The following ZNF407 variants were observed in gnomAD, a reference collection of about 807,000 sequenced individuals.
The protein encoded by ZNF407 is zinc finger protein 407.
A neutral mutation model predicts 131.2 loss-of-function variants in ZNF407; 17 were observed. That is an observed-to-expected ratio of 0.13 (90% confidence interval 0.09 to 0.19). The LOEUF (loss-of-function observed/expected upper bound fraction) is 0.19. ZNF407 is among the 10% of genes least tolerant of loss of function. ZNF407 has a pLI of 1.00. For synonymous variants in ZNF407, 1,156 were observed against 1,062.0 expected, an observed-to-expected ratio of 1.09 and a Z score of -1.72; for missense variants, 2,681 against 2,830.6, an observed-to-expected ratio of 0.95 and a Z score of 1.20.
chr18:74,701,483 A>G (rs1028572492), intron 3 of ZNF407, among the ~76,000 whole-genome samples: 1 of 152,148 alleles, frequency 6.6e-6, no homozygotes, highest in Non-Finnish European at 1.5e-5. Flanking sequence ...CTATGTATGT[A>G]TACCATAGAC....
chr18:74,824,248 C>T (rs563361222), intron 4 of ZNF407, among the ~76,000 whole-genome samples: 1 of 152,182 alleles, frequency 6.6e-6, no homozygotes, highest in African/African-American at 2.4e-5. Flanking sequence ...TAAATGCCCA[C>T]AAGAGAAAGC....
intron 8 of ZNF407, among the ~76,000 whole-genome samples, chr18:74,963,667 A>G (rs1972375688): frequency 6.6e-6 from 1 of 152,230 alleles, no homozygotes; most frequent in Non-Finnish European, 1.5e-5. Context: ...ATTATTCCAC[A>G]TTTTATTGTT....
intron 3 of ZNF407, among the ~76,000 whole-genome samples, chr18:74,748,541 A>G (rs1411063806): frequency 1.3e-5 from 2 of 152,222 alleles, no homozygotes; most frequent in Non-Finnish European, 2.9e-5. Flanking sequence ...ATTAATACAA[A>G]TAAGATTTTG....
chr18:74,897,954 A>T (rs1292854823), intron 7 of ZNF407: 1 of 152,240 alleles, frequency 6.6e-6, no homozygotes, highest in Non-Finnish European at 1.5e-5. Flanking sequence ...TTTATGTACA[A>T]ATCAGTTTTC....
intron 7 of ZNF407, among the ~76,000 whole-genome samples, chr18:74,903,271 T>C (rs1005405754): frequency 1.3e-5 from 2 of 152,212 alleles, no homozygotes; most frequent in African/African-American, 4.8e-5. Flanking sequence ...ACCTTAAATT[T>C]GAAAAGCTTT....
intron 1 of ZNF407, 55 bp from the exon 2 acceptor site, chr18:74,630,912 C>T (rs1221401388): frequency 5.3e-6 from 7 of 1,316,428 alleles, no homozygotes; most frequent in African/African-American, 1.5e-5. Context: ...TAGTTTTAGA[C>T]TAATACGTGT....
At chr18:74,833,598 G>T (rs1411954489) in intron 4 of ZNF407, among the ~76,000 whole-genome samples, 1 of 152,206 alleles carries the variant, frequency 6.6e-6, no homozygotes, top group Non-Finnish European at 1.5e-5. Flanking sequence ...CACACAGCGC[G>T]AGGGGGACAG....
intron 8 of ZNF407, among the ~76,000 whole-genome samples, chr18:74,991,679 A>T (rs1055602172): frequency 6.6e-6 from 1 of 152,194 alleles, no homozygotes; most frequent in Non-Finnish European, 1.5e-5. Flanking sequence ...AAATAGGTTG[A>T]GTTCTATGTT....
At chr18:74,803,528 A>G (rs563617905) in intron 4 of ZNF407, among the ~76,000 whole-genome samples, 6 of 152,242 alleles carry the variant, frequency 3.9e-5, no homozygotes, top group Admixed American at 6.5e-5. Context: ...CATAGTGTTT[A>G]TTTTTAGGAG....
chr18:74,674,490 C>T (rs1986276954), intron 3 of ZNF407, among the ~76,000 whole-genome samples: 1 of 152,176 alleles, frequency 6.6e-6, no homozygotes. Context: ...TACCTTTGCC[C>T]ACTTTGTCCT....
intron 1 of ZNF407, among the ~76,000 whole-genome samples, chr18:74,613,965 G>A (rs1983174489): frequency 6.6e-6 from 1 of 152,182 alleles, no homozygotes; most frequent in Non-Finnish European, 1.5e-5. Flanking sequence ...GCAACTTCAT[G>A]TTTTAGACCT....
chr18:74,916,412 A>AGT (rs543790604), intron 7 of ZNF407, among the ~76,000 whole-genome samples: 9 of 70,416 alleles, frequency 1.3e-4, no homozygotes, highest in Admixed American at 8.9e-4. Context: ...TCGAATCGGG[A>AGT]GTGTGTGTGT....
chr18:74,963,152 CTTTTTT>C (rs36225166), intron 8 of ZNF407, among the ~76,000 whole-genome samples: 4,402 of 138,492 alleles, frequency 0.032, 204 homozygotes, highest in African/African-American at 0.11. Context: ...ACCTTCATTC[CTTTTTT>C]TTTTTTTTTT....
chr18:74,674,059 C>T (rs907059108), intron 3 of ZNF407, among the ~76,000 whole-genome samples: 6 of 152,152 alleles, frequency 3.9e-5, no homozygotes, highest in Non-Finnish European at 1.5e-5. Flanking sequence ...ATGCATTTTA[C>T]GATTATTTTA....
intron 8 of ZNF407, among the ~76,000 whole-genome samples, chr18:74,936,582 G>C (rs915023611): frequency 6.6e-6 from 1 of 152,170 alleles, no homozygotes; most frequent in African/African-American, 2.4e-5. Flanking sequence ...AGAAGACTCC[G>C]TAAGGGGAAC....
chr18:74,818,272 C>T (rs749970194), intron 4 of ZNF407, among the ~76,000 whole-genome samples: 1 of 152,122 alleles, frequency 6.6e-6, no homozygotes, highest in African/African-American at 2.4e-5. Context: ...AGCGCCATCC[C>T]GGAACCTGTG....
At chr18:74,889,855 G>T (rs1260062724) in intron 6 of ZNF407, 63 bp from the exon 7 acceptor site, 1 of 1,474,280 alleles carries the variant, frequency 6.8e-7, no homozygotes, top group Non-Finnish European at 9.2e-7. Flanking sequence ...TCAATACCAG[G>T]TTTATTCCTT....
chr18:74,780,125 T>C (rs1048166648), intron 3 of ZNF407, among the ~76,000 whole-genome samples: 2 of 152,170 alleles, frequency 1.3e-5, no homozygotes, highest in Admixed American at 6.5e-5. Context: ...GTAAAGTGTG[T>C]ATTGTCCATA....
intron 4 of ZNF407, among the ~76,000 whole-genome samples, chr18:74,858,914 T>C (rs1970897742): frequency 6.6e-6 from 1 of 152,096 alleles, no homozygotes; most frequent in Non-Finnish European, 1.5e-5. Flanking sequence ...TTGCCCTTTT[T>C]TTTTTGTCTT....
Sources: allele counts gnomAD v4.1 joint callset (sites outside exome capture counted in the v4.1 genomes callset), GRCh38; gene constraint gnomAD v4.1.1; transcripts MANE v1.5; gene names NCBI Gene and HGNC (gene_info 2026-07-23, HGNC 2026-07-21).